NUP133: variants seen among roughly 807,000 people sequenced by gnomAD.
NUP133 encodes the protein nuclear pore complex protein Nup133.
NUP133 carries 66 observed loss-of-function variants against 146.2 expected under a neutral mutation model. That is an observed-to-expected ratio of 0.45 (90% CI 0.37 to 0.55). The LOEUF (loss-of-function observed/expected upper bound fraction) is 0.55, where lower values mean the gene tolerates loss of function less well. Among genes scored for constraint, NUP133 ranks in the 20% least tolerant of loss-of-function variants. The pLI, the probability that NUP133 is intolerant of heterozygous loss-of-function variation, is 0.00. For synonymous variants in NUP133, 521 were observed against 498.8 expected, an observed-to-expected ratio of 1.04 and a Z score of -0.59; for missense variants, 1,277 against 1,374.8, an observed-to-expected ratio of 0.93 and a Z score of 1.12.
At chr1:229,442,584 A>C (rs571966315) in intron 25 of NUP133, among the ~76,000 whole-genome samples, 53 of 152,334 alleles carry the variant, frequency 3.5e-4, no homozygotes, top group African/African-American at 1.2e-3. Context: ...CAAATAGAGA[A>C]AACTGGATGA....
intron 3 of NUP133, among the ~76,000 whole-genome samples, chr1:229,501,180 T>C (rs1272350900): frequency 6.6e-6 from 1 of 152,208 alleles, no homozygotes; most frequent in Non-Finnish European, 1.5e-5. Flanking sequence ...AGGCTTCCTA[T>C]GGAACTTTCC....
chr1:229,481,511 A>G (rs562404724), intron 12 of NUP133, among the ~76,000 whole-genome samples: 381 of 152,230 alleles, frequency 2.5e-3, no homozygotes, highest in African/African-American at 8.9e-3. Flanking sequence ...GTTTGAGCCC[A>G]GCCTGGCCAA....
At chr1:229,483,841 G>T (rs1463082730) in intron 12 of NUP133, among the ~76,000 whole-genome samples, 2 of 151,700 alleles carry the variant, frequency 1.3e-5, no homozygotes, top group African/African-American at 4.8e-5. Flanking sequence ...GTATGTTAGA[G>T]CCCATGTTTT....
Position 229,456,818 on chromosome 1 carries a change from T to G in NUP133, c.2980+1343A>C, listed in dbSNP as rs148888689. Among the ~76,000 whole-genome samples the G allele has an allele frequency of 1.7e-3, 258 of 151,610 alleles. 1 individual carries two copies. The Middle Eastern group carries it at 0.024, about 14-fold the overall frequency. On this transcript the variant is annotated intron_variant, in intron 21 of 25. Transcript: ENST00000261396. ...GTATATCTATCTATCTACATATATA[T>G]AGAGAGAGACTTTTTTTTTTTTTTT...
In NUP133 at chr1:229,498,326, G is replaced by C. The variant is rs1294498773; in HGVS notation, c.649-20C>G. On this transcript the variant is annotated intron_variant, in intron 5 of 25. Transcript: ENST00000261396. ...TCCTCCCTGTGAAAAAACATTATGA[G>C]GTTAGTTCAGTTTAGCATCGAATGC... 1 of 1,537,560 alleles carries C rather than the reference G, an allele frequency of 6.5e-7. No individual in the cohort carries two copies. The highest frequency in any genetic ancestry group is 8.7e-7 in the Non-Finnish European group (1 of 1,145,834).
chr1:229,478,447 G>A (rs1661129892), intron 12 of NUP133, among the ~76,000 whole-genome samples: 1 of 151,878 alleles, frequency 6.6e-6, no homozygotes, highest in Non-Finnish European at 1.5e-5. Context: ...GAAGGCTGGG[G>A]AGAACTGGGG....
At chr1:229,473,163 G>A (rs937940946) in intron 14 of NUP133, among the ~76,000 whole-genome samples, 1 of 151,920 alleles carries the variant, frequency 6.6e-6, no homozygotes, top group African/African-American at 2.4e-5. Context: ...GTGGTGAGAA[G>A]ATTGCTTGAG....
intron 12 of NUP133, among the ~76,000 whole-genome samples, chr1:229,479,929 T>C (rs1195558637): frequency 1.1e-4 from 16 of 152,178 alleles, no homozygotes; most frequent in Non-Finnish European, 2.4e-4. Flanking sequence ...CAAAGACTGG[T>C]CTTTTTACAA....
chr1:229,446,998 C>T (rs1344955748), intron 24 of NUP133, among the ~76,000 whole-genome samples: 4 of 152,040 alleles, frequency 2.6e-5, no homozygotes, highest in African/African-American at 7.2e-5. Context: ...GTGGTACACG[C>T]CTGCAATCCC....
chr1:229,489,873 C>T, intron 9 of NUP133, 82 bp downstream of exon 9: 1 of 1,301,086 alleles, frequency 7.7e-7, no homozygotes, highest in African/African-American at 1.5e-5. Flanking sequence ...AAAACTCTTT[C>T]AATAAATAAA....
intron 5 of NUP133, among the ~76,000 whole-genome samples, chr1:229,499,456 C>T (rs1011179000): frequency 2.6e-5 from 4 of 152,216 alleles, no homozygotes; most frequent in East Asian, 3.9e-4. Flanking sequence ...TAAAACCCCA[C>T]ATTTTTAGTC....
chr1:229,450,727 GTTTGTTTGTTTT>G (rs908144958), intron 22 of NUP133, 122 bp from the exon 23 acceptor site: 2 of 498,134 alleles, frequency 4.0e-6, no homozygotes, highest in African/African-American at 4.0e-5. Flanking sequence ...TTGTTTGTTT[GTTTGTTTGTTTT>G]TTTTGAGACA....
At chr1:229,458,764 G>A (rs1660625484) in intron 20 of NUP133, among the ~76,000 whole-genome samples, 1 of 146,660 alleles carries the variant, frequency 6.8e-6, no homozygotes, top group Non-Finnish European at 1.5e-5. Flanking sequence ...AGGCTGGAGT[G>A]CAATGATATA....
intron 11 of NUP133, among the ~76,000 whole-genome samples, chr1:229,485,652 A>G (rs1392407905): frequency 6.6e-6 from 1 of 152,228 alleles, no homozygotes; most frequent in Non-Finnish European, 1.5e-5. Flanking sequence ...TTTCTGTAGT[A>G]GAAAATCAAC....
chr1:229,472,598 C>A (rs1242220704), intron 14 of NUP133, among the ~76,000 whole-genome samples: 2 of 151,108 alleles, frequency 1.3e-5, no homozygotes, highest in Non-Finnish European at 2.9e-5. Context: ...GGGAAGATCA[C>A]CTGAGCCCGG....
At chr1:229,459,004 A>T (rs1026849279) in intron 20 of NUP133, among the ~76,000 whole-genome samples, 8 of 152,216 alleles carry the variant, frequency 5.3e-5, no homozygotes, top group Non-Finnish European at 1.0e-4. Flanking sequence ...TTTTAAATTT[A>T]AAAAAATTAT....
rs1459484861 is a variant in NUP133, at chr1:229,452,466, C to A, written c.3099+59G>T. 5.8e-6 allele frequency: 8 copies of A among 1,383,384 alleles called. No homozygotes were observed. In the Admixed American group the frequency reaches 7.1e-5, roughly 12 times the overall value. 85.7% of individuals were successfully genotyped at this position (1,383,384 alleles called of 1,614,324 possible). A position where few individuals can be genotyped will look rare whatever the true frequency, so the allele number is the denominator to read the frequency against. On this transcript the variant is annotated intron_variant, in intron 22 of 25. Transcript: ENST00000261396. ...TTAGGAACTATACTACATGGCCCAA[C>A]AAACACCAAAAAGGTTTTGAGTTTA...
At chr1:229,496,429 G>C (rs1448100897) in intron 6 of NUP133, among the ~76,000 whole-genome samples, 1 of 152,074 alleles carries the variant, frequency 6.6e-6, no homozygotes, top group East Asian at 1.9e-4. Context: ...AGCCGAGATC[G>C]CACCACTGCA....
At chr1:229,501,917 T>A (rs527768425) in intron 3 of NUP133, 82 bp downstream of exon 3, 7 of 994,358 alleles carry the variant, frequency 7.0e-6, no homozygotes, top group Non-Finnish European at 9.5e-6. Flanking sequence ...ATCCTCCAAC[T>A]GTAAAAAAAT....
Sources: allele counts gnomAD v4.1 joint callset (sites outside exome capture counted in the v4.1 genomes callset), GRCh38; gene constraint gnomAD v4.1.1; transcripts MANE v1.5; gene names NCBI Gene and HGNC (gene_info 2026-07-23, HGNC 2026-07-21).